The following PFKFB4 variants were observed in gnomAD, a reference collection of about 807,000 sequenced individuals.
PFKFB4 encodes 6-phosphofructo-2-kinase/fructose-2,6-biphosphatase 4, also known as 6-phosphofructo-2-kinase/fructose-2,6-bisphosphatase 4.
PFKFB4 carries 42 observed loss-of-function variants against 62.8 expected under a neutral mutation model. That is an observed-to-expected ratio of 0.67 (90% confidence interval 0.52 to 0.86). The LOEUF is 0.86. Among genes scored for constraint, PFKFB4 ranks in the 40% least tolerant of loss-of-function variants. PFKFB4 has a pLI of 0.00. For missense variants in PFKFB4, 475 were observed against 627.2 expected (o/e 0.76, Z 2.59); for synonymous variants, 204 against 240.7 (o/e 0.85, Z 1.41).
intron 4 of PFKFB4, among the ~76,000 whole-genome samples, chr3:48,540,079 G>A (rs1333440953): frequency 6.6e-6 from 1 of 152,234 alleles, no homozygotes; most frequent in African/African-American, 2.4e-5. Context: ...CACACAGTGG[G>A]CACTCAGTTT....
chr3:48,551,387 T>C (rs1002548589), intron 1 of PFKFB4, among the ~76,000 whole-genome samples: 1 of 151,474 alleles, frequency 6.6e-6, no homozygotes, highest in African/African-American at 2.4e-5. Flanking sequence ...GGCTAATTTT[T>C]GTATTTTCAG....
At position 48,518,870 on chromosome 3, in the gene PFKFB4, C is replaced by A. The variant is rs2041998876; in HGVS notation, c.*877G>T. The stretch of plus-strand genomic sequence containing the variant: ...CCCCATTGGCTGCCAGTGTCCACAG[C>A]CAGGGAAGGGGAGAGGGGGCGGCAG... On this transcript the variant is annotated 3_prime_UTR_variant, in exon 14 of 14. Coordinates refer to ENST00000232375, the MANE Select transcript of PFKFB4 (RefSeq NM_004567.4). 1 of 152,224 alleles carries A rather than the reference C, an allele frequency of 6.6e-6. No homozygotes were observed. The highest frequency in any genetic ancestry group is 2.4e-5 in the African/African-American group (1 of 41,456). The allele number at this position is 152,224 out of a possible 1,614,324, so 9.4% of individuals were successfully genotyped here.
At chr3:48,525,220 G>A (rs1466748490) in intron 10 of PFKFB4, among the ~76,000 whole-genome samples, 2 of 152,142 alleles carry the variant, frequency 1.3e-5, no homozygotes, top group African/African-American at 4.8e-5. Context: ...GGGGTCCCAG[G>A]AAAGCCTAAC....
intron 6 of PFKFB4, 59 bp downstream of exon 6, chr3:48,539,195 C>T: frequency 5.1e-6 from 7 of 1,367,830 alleles, no homozygotes; most frequent in Non-Finnish European, 6.3e-6. Flanking sequence ...TAGCCAAAAC[C>T]TGAAAAGGGA....
chr3:48,561,954 G>A (rs1011551431), upstream of PFKFB4: 1 of 152,262 alleles, frequency 6.6e-6, no homozygotes, highest in African/African-American at 2.4e-5. This position sits in a 1 kb window ranked among gnomAD's most constrained non-coding sequence, Gnocchi z 5.2. Flanking sequence ...AGCCCTGCAT[G>A]TCCCTGGGTC....
In PFKFB4 at chr3:48,521,536, G is replaced by C. The variant is rs1374380600; in HGVS notation, c.1350+450C>G. ...TTAATTTTTAAAGGTGCTGGGGTTAGGAAAGGGGCTCATGAGGCCTCGGCT... is the reference window on the plus strand; with the variant it reads ...TTAATTTTTAAAGGTGCTGGGGTTACGAAAGGGGCTCATGAGGCCTCGGCT... On this transcript the variant is annotated intron_variant, in intron 13 of 13. Coordinates refer to ENST00000232375, the MANE Select transcript of PFKFB4 (RefSeq NM_004567.4). The surrounding 1 kb of genome is among the most constrained non-coding windows in gnomAD (Gnocchi z 5.3). Among the ~76,000 whole-genome samples the C allele has an allele frequency of 3.9e-5, 6 of 152,212 alleles. No homozygotes were observed. Among genetic ancestry groups the C allele is most frequent in the African/African-American group, 7.2e-5 (3 of 41,436 alleles).
intron 7 of PFKFB4, 140 bp downstream of exon 7, chr3:48,538,358 A>T: frequency 2.8e-6 from 3 of 1,074,274 alleles, no homozygotes; most frequent in Non-Finnish European, 4.0e-6. Context: ...TTTCTGCCCC[A>T]AGGAAATAAA....
chr3:48,538,393 T>A, intron 7 of PFKFB4, 105 bp downstream of exon 7: 5 of 1,410,612 alleles, frequency 3.5e-6, no homozygotes, highest in Non-Finnish European at 4.9e-6. Context: ...CCATCTCTGC[T>A]TTTTGGTCCT....
At chr3:48,559,868 C>T (rs2043404549), upstream of PFKFB4, 1 of 329,528 alleles carries the variant, frequency 3.0e-6, no homozygotes, top group African/African-American at 2.2e-5. Context: ...ATCTACTGGC[C>T]AGTCCTGACA....
At chr3:48,560,740 G>A (rs2043419257), upstream of PFKFB4, among the ~76,000 whole-genome samples, 1 of 152,212 alleles carries the variant, frequency 6.6e-6, no homozygotes, top group Non-Finnish European at 1.5e-5. Context: ...ACCCCAAGAG[G>A]AAACCTGGAC....
At position 48,538,581 on chromosome 3, in the gene PFKFB4, G is replaced by C. The variant is rs1314852351; in HGVS notation, c.549C>G (p.Asp183Glu). ...TGAAGTCCTCCGTAGCCTCATCACT[G>C]TCGCGGTTGACATAGTCAGGGCTGC... ...KLGSPDYVNRDSDEATEDFMR... is the reference protein window; with the variant it reads ...KLGSPDYVNRESDEATEDFMR... The change falls in exon 7 of 14, where the codon GAC becomes GAG. Residue 183 changes from aspartate to glutamate, a missense_variant. Transcript: ENST00000232375. The C allele has an allele frequency of 1.9e-6, 3 of 1,614,194 alleles. No individual in the cohort carries two copies. The highest frequency in any genetic ancestry group is 1.6e-4 in the Middle Eastern group (1 of 6,062).
chr3:48,555,642 C>T (rs1315133800), intron 1 of PFKFB4, among the ~76,000 whole-genome samples: 20 of 152,166 alleles, frequency 1.3e-4, no homozygotes, highest in Admixed American at 1.3e-3. Context: ...CGCCTGTAAT[C>T]TCAACACTTC....
chr3:48,538,432 G>A, intron 7 of PFKFB4, 66 bp downstream of exon 7: 3 of 1,588,124 alleles, frequency 1.9e-6, no homozygotes, highest in African/African-American at 1.3e-5. Context: ...AGCCATAGGA[G>A]GCAGCCAAGT....
In PFKFB4 at chr3:48,536,462, C is replaced by G; in HGVS notation, c.634G>C (p.Asp212His). 1 of 1,602,726 alleles carries G rather than the reference C, an allele frequency of 6.2e-7. No homozygotes were observed. The highest frequency in any genetic ancestry group is 8.5e-7 in the Non-Finnish European group (1 of 1,170,142). The part of the protein sequence containing the change: ...YESLDEDLDR[D>H]LSYIKIMDVG... ...TCCATGATCTTGATATAGGACAGGTCCCTGTCCAGAGAGAAAGTAGAAAGA... is the reference window on the plus strand; with the variant it reads ...TCCATGATCTTGATATAGGACAGGTGCCTGTCCAGAGAGAAAGTAGAAAGA... Residue 212 changes from aspartate to histidine, a missense_variant and splice_region_variant, in exon 8 of 14, where the codon GAC (aspartate) becomes CAC (histidine). Asp to His is a moderately conservative substitution (Grantham distance 81). Coordinates refer to ENST00000232375, the MANE Select transcript of PFKFB4 (RefSeq NM_004567.4).
chr3:48,533,715 G>A (rs2042502064), intron 9 of PFKFB4, among the ~76,000 whole-genome samples: 1 of 152,134 alleles, frequency 6.6e-6, no homozygotes, highest in Admixed American at 6.6e-5. Flanking sequence ...ATTAGTTGGT[G>A]TGGTGGCGGG....
intron 7 of PFKFB4, 23 bp from the exon 8 acceptor site, chr3:48,536,486 G>C: frequency 6.3e-7 from 1 of 1,580,638 alleles, no homozygotes; most frequent in South Asian, 1.1e-5. Context: ...AAAGTAGAAA[G>C]AGGCCTGTGA....
At chr3:48,561,066 C>A (rs2043425708), upstream of PFKFB4, 2 of 1,283,494 alleles carry the variant, frequency 1.6e-6, no homozygotes. The surrounding 1 kb of genome is among the most constrained non-coding windows in gnomAD (Gnocchi z 5.2). Context: ...CCTGCTGCTC[C>A]CCGGCCCCAG....
At chr3:48,546,900 A>G (rs991837663) in intron 3 of PFKFB4, among the ~76,000 whole-genome samples, 3 of 152,190 alleles carry the variant, frequency 2.0e-5, no homozygotes, top group Non-Finnish European at 2.9e-5. Context: ...TCAATGTTCA[A>G]TGCAGGAGGA....
chr3:48,525,442 C>A, intron 10 of PFKFB4, 123 bp downstream of exon 10: 2 of 546,194 alleles, frequency 3.7e-6, no homozygotes, highest in Non-Finnish European at 6.6e-6. Flanking sequence ...GCTGGCAGGC[C>A]TCTGAGACCA....
Sources: allele counts gnomAD v4.1 joint callset (sites outside exome capture counted in the v4.1 genomes callset), GRCh38; gene constraint gnomAD v4.1.1; non-coding constraint Gnocchi (gnomAD v3.1); transcripts MANE v1.5; gene names NCBI Gene and HGNC (gene_info 2026-07-23, HGNC 2026-07-21).